Variants in TMTC1 observed in about 807,000 individuals in gnomAD.
TMTC1 encodes transmembrane O-mannosyltransferase targeting cadherins 1.
TMTC1 carries 73 observed loss-of-function variants against 104.8 expected under a neutral mutation model. That is an observed-to-expected ratio of 0.70 (90% CI 0.58 to 0.85). The LOEUF is 0.85. TMTC1 is among the 40% of genes least tolerant of loss of function. The pLI is 0.00. For missense variants in TMTC1, 1,035 were observed against 1,096.1 expected (o/e 0.94, Z 0.79); for synonymous variants, 434 against 428.7 (o/e 1.01, Z -0.15).
chr12:29,724,962 T>C (rs1044734441), intron 5 of TMTC1, among the ~76,000 whole-genome samples: 7 of 150,748 alleles, frequency 4.6e-5, no homozygotes, highest in Admixed American at 2.0e-4. Flanking sequence ...AATGTTTTAT[T>C]ACAAATGATA....
At chr12:29,727,950 C>T (rs1942442951) in intron 5 of TMTC1, among the ~76,000 whole-genome samples, 1 of 152,068 alleles carries the variant, frequency 6.6e-6, no homozygotes, top group Non-Finnish European at 1.5e-5. Flanking sequence ...CCACTGTGCC[C>T]AGCTAATTTA....
At chr12:29,561,683 A>G (rs1945381604) in intron 9 of TMTC1, among the ~76,000 whole-genome samples, 2 of 152,184 alleles carry the variant, frequency 1.3e-5, no homozygotes, top group African/African-American at 4.8e-5. Context: ...ATTTTGTACA[A>G]TCTGTTCCAG....
At position 29,721,072 on chromosome 12, in the gene TMTC1, T is replaced by G. The variant is rs552177499; in HGVS notation, c.938+30594A>C. Among the ~76,000 whole-genome samples, 12 of 152,266 alleles carry G rather than the reference T, an allele frequency of 7.9e-5. No homozygotes were observed. The South Asian group carries it at 8.3e-4, about 11-fold the overall frequency. ...AAATCTTCCAAAAATTAAATTGAAA[T>G]AATGATATTTTAAATATACAAAACT... On this transcript the variant is annotated intron_variant, in intron 5 of 17. Transcript: ENST00000539277.
At position 29,583,369 on chromosome 12, in the gene TMTC1, A is replaced by G. The variant is rs1311000309; in HGVS notation, c.1418+38T>C. The G allele has an allele frequency of 1.1e-5, 17 of 1,584,912 alleles. No individual in the cohort carries two copies. In the Admixed American group the frequency reaches 3.0e-4, roughly 28 times the overall value. On this transcript the variant is annotated intron_variant, in intron 8 of 17. Transcript: ENST00000539277. The stretch of plus-strand genomic sequence containing the variant: ...GGAAACAATTTGTAAGCAAAGAAAT[A>G]AACAGGAAGATATTTATTTTTATCT...
At chr12:29,679,634 A>G (rs1028778648) in intron 5 of TMTC1, among the ~76,000 whole-genome samples, 3 of 142,464 alleles carry the variant, frequency 2.1e-5, no homozygotes, top group Admixed American at 6.9e-5. Flanking sequence ...TGTGTACAAC[A>G]TGCTATCATT....
chr12:29,608,667 G>T (rs985934161), intron 6 of TMTC1, among the ~76,000 whole-genome samples: 1 of 152,248 alleles, frequency 6.6e-6, no homozygotes, highest in East Asian at 1.9e-4. Context: ...TTTCTTTTCT[G>T]GTTGGGAAGA....
At chr12:29,634,641 G>A (rs1938462350) in intron 5 of TMTC1, among the ~76,000 whole-genome samples, 1 of 152,174 alleles carries the variant, frequency 6.6e-6, no homozygotes, top group African/African-American at 2.4e-5. Flanking sequence ...TCAAACAGAA[G>A]AATTAGATGA....
At chr12:29,655,173 A>G (rs10771559) in intron 5 of TMTC1, among the ~76,000 whole-genome samples, 82,029 of 151,970 alleles carry the variant, frequency 0.54, 22,842 homozygotes, top group East Asian at 0.75. Context: ...GAGCCACCGC[A>G]CCTGGCCATA....
chr12:29,629,363 C>T (rs1938178544), intron 6 of TMTC1, among the ~76,000 whole-genome samples: 1 of 151,812 alleles, frequency 6.6e-6, no homozygotes, highest in Non-Finnish European at 1.5e-5. Context: ...GGAAGTGCCT[C>T]CACCCTTCAA....
intron 5 of TMTC1, 135 bp from the exon 6 acceptor site, chr12:29,633,471 G>T: frequency 1.4e-6 from 1 of 727,696 alleles, no homozygotes; most frequent in Non-Finnish European, 2.1e-6. Flanking sequence ...AAGGGAAGAT[G>T]GAAAGCCATT....
chr12:29,751,609 C>T, intron 5 of TMTC1, 57 bp downstream of exon 5: 4 of 1,586,554 alleles, frequency 2.5e-6, no homozygotes, highest in Non-Finnish European at 3.5e-6. Context: ...TCCCAGGCTG[C>T]ACTAGGTGAT....
chr12:29,605,422 T>C (rs562296045), intron 6 of TMTC1, among the ~76,000 whole-genome samples: 1 of 152,056 alleles, frequency 6.6e-6, no homozygotes, highest in Admixed American at 6.5e-5. Context: ...AGTGATTCCA[T>C]ATGATTTGGA....
At chr12:29,689,040 C>A (rs1411767809) in intron 5 of TMTC1, among the ~76,000 whole-genome samples, 1 of 152,146 alleles carries the variant, frequency 6.6e-6, no homozygotes, top group Non-Finnish European at 1.5e-5. Flanking sequence ...CTATTTACTT[C>A]AATCCTGTCT....
At chr12:29,513,354 A>C (rs894825358) in intron 16 of TMTC1, among the ~76,000 whole-genome samples, 34 of 152,246 alleles carry the variant, frequency 2.2e-4, no homozygotes, top group Middle Eastern at 6.8e-3. Context: ...ACACACATAC[A>C]TATTCACAAT....
chr12:29,710,816 ATAAT>A (rs1454515398), intron 5 of TMTC1, among the ~76,000 whole-genome samples: 1 of 11,614 alleles, frequency 8.6e-5, no homozygotes, highest in Non-Finnish European at 4.0e-4. Flanking sequence ...TATATATAAT[ATAAT>A]GTTTATATAA....
intron 5 of TMTC1, among the ~76,000 whole-genome samples, chr12:29,733,768 C>G (rs1363724527): frequency 6.6e-6 from 1 of 152,170 alleles, no homozygotes; most frequent in Non-Finnish European, 1.5e-5. Context: ...ATCAGTCTTT[C>G]TCTCCATTTC....
chr12:29,779,121 T>C (rs576094788), intron 1 of TMTC1, among the ~76,000 whole-genome samples: 1 of 152,200 alleles, frequency 6.6e-6, no homozygotes, highest in Non-Finnish European at 1.5e-5. Flanking sequence ...AGACGAGATC[T>C]GGAGAGCACT....
At chr12:29,683,755 C>T (rs923498699) in intron 5 of TMTC1, among the ~76,000 whole-genome samples, 6 of 152,120 alleles carry the variant, frequency 3.9e-5, no homozygotes, top group African/African-American at 1.4e-4. Context: ...TGCAAATAGA[C>T]TCTCCTAATT....
At chr12:29,707,301 G>A (rs1370433770) in intron 5 of TMTC1, among the ~76,000 whole-genome samples, 4 of 151,998 alleles carry the variant, frequency 2.6e-5, no homozygotes, top group South Asian at 2.1e-4. Context: ...ACATATTTTC[G>A]GCATTTCCTT....
Sources: allele counts gnomAD v4.1 joint callset (sites outside exome capture counted in the v4.1 genomes callset), GRCh38; gene constraint gnomAD v4.1.1; transcripts MANE v1.5; gene names NCBI Gene and HGNC (gene_info 2026-07-23, HGNC 2026-07-21).